RPL6: variants seen among roughly 807,000 people sequenced by gnomAD.
The protein encoded by RPL6 is ribosomal protein L6.
RPL6 carries 1 observed loss-of-function variant against 32.1 expected under a neutral mutation model. The observed-to-expected ratio is 0.03, with a 90% CI of 0.01 to 0.15. RPL6 has a LOEUF of 0.15. Ranked by LOEUF, RPL6 falls within the 10% of genes least tolerant of loss-of-function variation. The pLI, the probability that RPL6 is intolerant of heterozygous loss-of-function variation, is 1.00. For missense variants in RPL6, 275 were observed against 354.6 expected, an observed-to-expected ratio of 0.78 and a Z score of 1.80; for synonymous variants, 126 against 131.6, an observed-to-expected ratio of 0.96 and a Z score of 0.29.
intron 4 of RPL6, 190 bp downstream of exon 4, chr12:112,406,557 G>T: frequency 1.2e-6 from 1 of 854,662 alleles, no homozygotes; most frequent in Non-Finnish European, 1.8e-6. Context: ...ATAATCAACA[G>T]CAGGAAATGG....
upstream of RPL6, among the ~76,000 whole-genome samples, chr12:112,413,618 A>G (rs574502260): frequency 6.6e-6 from 1 of 151,974 alleles, no homozygotes; most frequent in African/African-American, 2.4e-5. Flanking sequence ...TGTTTTTGCT[A>G]TGTTGCCCAG....
chr12:112,410,379 G>A (rs1052248361), upstream of RPL6: 6 of 254,926 alleles, frequency 2.4e-5, no homozygotes, highest in East Asian at 1.0e-4. Flanking sequence ...CCCGTCCTCC[G>A]GCCTGGCCTA....
intron 1 of RPL6, among the ~76,000 whole-genome samples, chr12:112,417,729 C>T (rs1464383611): frequency 6.6e-6 from 1 of 151,650 alleles, no homozygotes; most frequent in Non-Finnish European, 1.5e-5. Flanking sequence ...GCGATCTCGG[C>T]TTTCAGCAGC....
rs1009057606 is a variant in RPL6, at chr12:112,405,607, G to A, written c.715-231C>T. 17 of 610,764 alleles carry A rather than the reference G, an allele frequency of 2.8e-5. No homozygotes were observed. The Admixed American group carries it at 3.0e-4, about 11-fold the overall frequency. The allele number at this position is 610,764 out of a possible 1,614,324, so 37.8% of individuals were successfully genotyped here. On this transcript the variant is annotated intron_variant, in intron 6 of 6. Transcript: ENST00000202773. ...TTTAGGACACATCAAGGATAAGTAA[G>A]GGCACATTCCCAATACGATGGTAGC...
intron 6 of RPL6, 57 bp from the exon 7 acceptor site, chr12:112,405,433 G>A (rs1185905947): frequency 1.0e-5 from 16 of 1,540,706 alleles, no homozygotes; most frequent in Non-Finnish European, 1.4e-5. Context: ...TTACTTGTAG[G>A]TCAACTAAGG....
At chr12:112,410,253 G>T, upstream of RPL6, 1 of 232,426 alleles carries the variant, frequency 4.3e-6, no homozygotes, top group Non-Finnish European at 8.9e-6. Flanking sequence ...TTGGAGGTCT[G>T]GGCTGCAGTG....
At chr12:112,410,908 C>G (rs1419996545), upstream of RPL6, among the ~76,000 whole-genome samples, 2 of 152,162 alleles carry the variant, frequency 1.3e-5, no homozygotes, top group African/African-American at 4.8e-5. Flanking sequence ...ACCATCACCA[C>G]TACAATCATC....
Position 112,406,041 on chromosome 12 carries a change from A to T in RPL6, c.530-4T>A. 6.3e-7 allele frequency: 1 copy of T among 1,598,616 alleles called. No individual in the cohort carries two copies. Among genetic ancestry groups the T allele is most frequent in the Non-Finnish European group, 8.5e-7 (1 of 1,173,028 alleles). The stretch of plus-strand genomic sequence containing the variant: ...ACTCGATTGAGGACCAGAGGTCCTA[A>T]GGGGGAAAAATTAATTTAGCAAGGA... On this transcript the variant is annotated splice_polypyrimidine_tract_variant and splice_region_variant and intron_variant, in intron 5 of 6. Transcript: ENST00000202773.
intron 1 of RPL6, among the ~76,000 whole-genome samples, chr12:112,415,533 C>T (rs12146730): frequency 2.6e-5 from 4 of 151,932 alleles, no homozygotes; most frequent in African/African-American, 7.3e-5. Flanking sequence ...GCCAACATGG[C>T]GAAACCCTGT....
intron 1 of RPL6, 150 bp downstream of exon 1, chr12:112,409,437 A>G: frequency 2.5e-6 from 1 of 398,516 alleles, no homozygotes; most frequent in Non-Finnish European, 4.4e-6. Flanking sequence ...CGCAAACCCA[A>G]ACAACAAAAA....
chr12:112,414,660 T>C (rs559759725), upstream of RPL6, among the ~76,000 whole-genome samples: 48 of 152,114 alleles, frequency 3.2e-4, 1 homozygote, highest in African/African-American at 1.1e-3. Context: ...TTCCAGCACT[T>C]TGGGAGGCCG....
intron 1 of RPL6, 165 bp downstream of exon 1, chr12:112,409,422 C>A (rs1018704965): frequency 5.0e-6 from 2 of 398,528 alleles, no homozygotes; most frequent in African/African-American, 2.1e-5. Context: ...CTCTTTGTGC[C>A]CTGCCGCAAA....
In RPL6 at chr12:112,407,443, A is replaced by G. The variant is rs1035359364; in HGVS notation, c.337-553T>C. On this transcript the variant is annotated intron_variant, in intron 3 of 6. Coordinates refer to ENST00000202773, the MANE Select transcript of RPL6 (RefSeq NM_000970.6). ...ACAATAACCTATTTCCAACTATACC[A>G]TATCATTAGTGCAGTCTCACTTTCA... The G allele has an allele frequency of 1.3e-5, 2 of 153,654 alleles. 1 individual carries two copies. Among genetic ancestry groups the G allele is most frequent in the South Asian group, 4.1e-4 (2 of 4,922 alleles). 9.5% of individuals were successfully genotyped at this position (153,654 alleles called of 1,614,324 possible).
chr12:112,406,639 G>T, intron 4 of RPL6, 108 bp downstream of exon 4: 3 of 1,400,056 alleles, frequency 2.1e-6, no homozygotes, highest in Non-Finnish European at 2.9e-6. Context: ...ATTTCCCCTT[G>T]CCCCAAACAT....
intron 1 of RPL6, among the ~76,000 whole-genome samples, chr12:112,417,373 A>G (rs752210522): frequency 6.6e-6 from 1 of 151,462 alleles, no homozygotes; most frequent in Non-Finnish European, 1.5e-5. Context: ...TGTAGCCTTC[A>G]ATGAGTCATA....
chr12:112,417,728 G>A (rs1311050355), intron 1 of RPL6, among the ~76,000 whole-genome samples: 1 of 151,730 alleles, frequency 6.6e-6, no homozygotes, highest in African/African-American at 2.4e-5. Flanking sequence ...CGCGATCTCG[G>A]CTTTCAGCAG....
At chr12:112,415,450 C>T (rs140567169) in intron 1 of RPL6, among the ~76,000 whole-genome samples, 68 of 152,182 alleles carry the variant, frequency 4.5e-4, no homozygotes, top group African/African-American at 1.6e-3. Context: ...TGGTGGCTCA[C>T]GCCTGTAATC....
Position 112,406,345 on chromosome 12 carries a change from G to T in RPL6, c.481-3C>A. On this transcript the variant is annotated splice_polypyrimidine_tract_variant and splice_region_variant and intron_variant, in intron 4 of 6. Coordinates refer to ENST00000202773, the MANE Select transcript of RPL6 (RefSeq NM_000970.6). ...AGCTGCTTCAGGAAAACCACCCTCTGTAAGTTAAAAAGAAAATAATTAGTT... is the reference window on the plus strand; with the variant it reads ...AGCTGCTTCAGGAAAACCACCCTCTTTAAGTTAAAAAGAAAATAATTAGTT... The T allele has an allele frequency of 1.9e-6, 3 of 1,610,764 alleles. No individual in the cohort carries two copies. The highest frequency in any genetic ancestry group is 2.5e-6 in the Non-Finnish European group (3 of 1,177,310).
At chr12:112,408,082 A>G (rs1357628237) in intron 3 of RPL6, 158 bp downstream of exon 3, 1 of 617,474 alleles carries the variant, frequency 1.6e-6, no homozygotes, top group Non-Finnish European at 2.9e-6. Flanking sequence ...ACTTAAGATT[A>G]ACAGTAAATG....
Sources: allele counts gnomAD v4.1 joint callset (sites outside exome capture counted in the v4.1 genomes callset), GRCh38; gene constraint gnomAD v4.1.1; transcripts MANE v1.5; gene names NCBI Gene and HGNC (gene_info 2026-07-23, HGNC 2026-07-21).